The following ZNF331 variants were observed in gnomAD, a reference collection of about 807,000 sequenced individuals.
The protein encoded by ZNF331 is zinc finger protein 331.
In ZNF331, 2 loss-of-function variants were observed where a neutral mutation model predicts 7.0. The observed-to-expected ratio is 0.29, with a 90% confidence interval of 0.12 to 0.90. The LOEUF (loss-of-function observed/expected upper bound fraction) is 0.90, where lower values mean the gene tolerates loss of function less well. ZNF331 is among the 40% of genes least tolerant of loss of function. The pLI, the probability that ZNF331 is intolerant of heterozygous loss-of-function variation, is 0.58. For missense variants in ZNF331, 432 were observed against 587.7 expected (o/e 0.74, Z 2.74); for synonymous variants, 196 against 205.4 (o/e 0.95, Z 0.39).
upstream of ZNF331, among the ~76,000 whole-genome samples, chr19:53,515,183 C>G (rs544956213): frequency 2.0e-5 from 3 of 152,132 alleles, no homozygotes; most frequent in African/African-American, 7.2e-5. Flanking sequence ...TCTCCTGCTC[C>G]GCGTTCTGTT....
intron 2 of ZNF331, among the ~76,000 whole-genome samples, chr19:53,546,140 G>GAAAAAAAAAAAAAAAAAAAACAAAAAA (rs2088589712): frequency 8.8e-6 from 1 of 113,484 alleles, no homozygotes; most frequent in Non-Finnish European, 1.9e-5. Context: ...TCCTGAGGGG[G>GAAAAAAAAAAAAAAAAAAAACAAAAAA]AAAAAAAAAA....
At chr19:53,538,499 CT>C (rs1304977273) in intron 1 of ZNF331, 1 of 152,818 alleles carries the variant, frequency 6.5e-6, no homozygotes, top group East Asian at 1.9e-4. Context: ...GAGGTGCGCT[CT>C]GGGGGTTGTG....
chr19:53,515,090 T>C (rs949960568), upstream of ZNF331, among the ~76,000 whole-genome samples: 2 of 152,168 alleles, frequency 1.3e-5, no homozygotes, highest in Non-Finnish European at 2.9e-5. Context: ...ACTTCTTCAC[T>C]GAACAGTTAA....
At chr19:53,529,140 C>T (rs988026948) in intron 2 of ZNF331, among the ~76,000 whole-genome samples, 1 of 152,144 alleles carries the variant, frequency 6.6e-6, no homozygotes, top group African/African-American at 2.4e-5. Context: ...TGGTGGCTCA[C>T]GCCTATAATC....
At chr19:53,559,217 GAC>G (rs1445239438) in intron 3 of ZNF331, among the ~76,000 whole-genome samples, 4 of 132,038 alleles carry the variant, frequency 3.0e-5, no homozygotes, top group East Asian at 2.3e-4. Flanking sequence ...TACATATAGA[GAC>G]ACATATATAC....
chr19:53,540,702 G>A (rs2088098620), intron 2 of ZNF331, among the ~76,000 whole-genome samples: 1 of 51,866 alleles, frequency 1.9e-5, no homozygotes. Flanking sequence ...CTCCCAAAGT[G>A]CGGGATTACA....
chr19:53,578,065 G>T lies in ZNF331; in HGVS notation c.*113G>T, dbSNP rs1209280657. The T allele has an allele frequency of 7.7e-7, 1 of 1,304,986 alleles. No individual in the cohort carries two copies. The highest frequency in any genetic ancestry group is 1.0e-6 in the Non-Finnish European group (1 of 975,134). 80.8% of individuals were successfully genotyped at this position (1,304,986 alleles called of 1,614,324 possible). Reference sequence around the variant, plus strand: ...TTAAATGGAAAATTCCAGAAATAAAGAATTTTAAGTCTCAAATGGTGTGCC... The same window carrying T: ...TTAAATGGAAAATTCCAGAAATAAATAATTTTAAGTCTCAAATGGTGTGCC... On this transcript the variant is annotated 3_prime_UTR_variant, in exon 6 of 6. Transcript: ENST00000449416.
chr19:53,521,590 CTG>C (rs2087090598), exon 1 of ZNF331: 1 of 152,508 alleles, frequency 6.6e-6, no homozygotes, highest in African/African-American at 2.4e-5. Flanking sequence ...CGCAGCCGGG[CTG>C]TGTCTCTGCA....
At chr19:53,512,073 G>C in the ZNF331 span, 2 of 152,336 alleles carry the variant, frequency 1.3e-5, no homozygotes, top group Non-Finnish European at 2.9e-5. Context: ...ACCCTCTGCT[G>C]GACAGGGCTG....
intron 5 of ZNF331, among the ~76,000 whole-genome samples, chr19:53,572,414 G>A (rs2090487231): frequency 6.6e-6 from 1 of 151,764 alleles, no homozygotes; most frequent in Non-Finnish European, 1.5e-5. Context: ...GATCACTTGA[G>A]CCCAGGAGTT....
chr19:53,506,446 C>G, the ZNF331 span, among the ~76,000 whole-genome samples: 11 of 39,328 alleles, frequency 2.8e-4, no homozygotes, highest in South Asian at 4.1e-3. Flanking sequence ...CTCTCTCTGT[C>G]TCTCTCTCTC....
rs1206506358 is a variant in ZNF331, at chr19:53,577,974, C to T, written c.*22C>T. On this transcript the variant is annotated 3_prime_UTR_variant, in exon 6 of 6. Transcript: ENST00000449416. ...TTGAAGAGCCTTTTGAACGCAGTAGCCCGCTCGTATCTATGGTTTCGCTTT... is the reference window on the plus strand; with the variant it reads ...TTGAAGAGCCTTTTGAACGCAGTAGTCCGCTCGTATCTATGGTTTCGCTTT... 1 of 1,587,974 alleles carries T rather than the reference C, an allele frequency of 6.3e-7. No homozygotes were observed. The highest frequency in any genetic ancestry group is 1.1e-5 in the South Asian group (1 of 88,870).
intron 2 of ZNF331, among the ~76,000 whole-genome samples, chr19:53,548,432 T>C (rs903341049): frequency 6.6e-6 from 1 of 151,994 alleles, no homozygotes; most frequent in South Asian, 2.1e-4. Flanking sequence ...AATTTTTCAA[T>C]TTTTTGTAGA....
intron 3 of ZNF331, among the ~76,000 whole-genome samples, chr19:53,566,465 G>A (rs1469868736): frequency 6.6e-6 from 1 of 152,124 alleles, no homozygotes; most frequent in African/African-American, 2.4e-5. Context: ...GCTAATTTTT[G>A]TATGGTAGTG....
chr19:53,548,532 C>T (rs1432661595), intron 2 of ZNF331, among the ~76,000 whole-genome samples: 2 of 152,204 alleles, frequency 1.3e-5, no homozygotes, highest in African/African-American at 4.8e-5. Context: ...TCTGGGATTA[C>T]AGGTGTGAGC....
upstream of ZNF331, among the ~76,000 whole-genome samples, chr19:53,536,064 A>T (rs189124361): frequency 1.7e-3 from 260 of 152,308 alleles, 1 homozygote; most frequent in Non-Finnish European, 1.6e-3. Context: ...TTGGCTTCCC[A>T]AAGTGCTGGG....
In ZNF331 at chr19:53,570,662, A is replaced by G. The variant is rs537218244; in HGVS notation, c.10-942A>G. Among the ~76,000 whole-genome samples, 5 of 150,720 alleles carry G rather than the reference A, an allele frequency of 3.3e-5. No homozygotes were observed. In the South Asian group the frequency reaches 1.1e-3, roughly 32 times the overall value. On this transcript the variant is annotated intron_variant, in intron 4 of 5. Coordinates refer to ENST00000449416, the MANE Select transcript of ZNF331 (RefSeq NM_001079906.2). ...ATTCTCCTGCCTCAGCCTCCTGAGT[A>G]GCTGGGATTACAGGGATGCGCCGCC...
At chr19:53,526,087 T>G (rs1238603453) in intron 2 of ZNF331, among the ~76,000 whole-genome samples, 3 of 152,248 alleles carry the variant, frequency 2.0e-5, no homozygotes, top group Non-Finnish European at 4.4e-5. Context: ...TTTATAGATT[T>G]GTATATGTTG....
At chr19:53,549,715 T>C (rs1212394829) in intron 2 of ZNF331, among the ~76,000 whole-genome samples, 1 of 151,444 alleles carries the variant, frequency 6.6e-6, no homozygotes, top group South Asian at 2.1e-4. Flanking sequence ...AAAAATTTTT[T>C]TTTAAAAATC....
Sources: allele counts gnomAD v4.1 joint callset (sites outside exome capture counted in the v4.1 genomes callset), GRCh38; gene constraint gnomAD v4.1.1; transcripts MANE v1.5; gene names NCBI Gene and HGNC (gene_info 2026-07-23, HGNC 2026-07-21).